The following AQP9 variants were observed in gnomAD, a reference collection of about 807,000 sequenced individuals.
AQP9 encodes aquaporin-9.
A neutral mutation model predicts 23.8 loss-of-function variants in AQP9; 19 were observed. That is an observed-to-expected ratio of 0.80 (90% CI 0.56 to 1.17). The LOEUF (loss-of-function observed/expected upper bound fraction) is 1.17, where lower values mean the gene tolerates loss of function less well. Ranked by LOEUF, AQP9 falls within the 50% of genes most tolerant of loss-of-function variation. The pLI is 0.00. For synonymous variants in AQP9, 153 were observed against 131.5 expected (o/e 1.16, Z -1.12); for missense variants, 413 against 362.0 (o/e 1.14, Z -1.14).
chr15:58,157,040 A>G (rs1260374413), intron 1 of AQP9, among the ~76,000 whole-genome samples: 1 of 152,204 alleles, frequency 6.6e-6, no homozygotes, highest in Non-Finnish European at 1.5e-5. Context: ...ACACATATAT[A>G]TGTGCATATA....
intron 1 of AQP9, among the ~76,000 whole-genome samples, chr15:58,140,992 G>A (rs1234982924): frequency 3.9e-5 from 6 of 152,122 alleles, no homozygotes; most frequent in African/African-American, 1.4e-4. Context: ...AGAAAAGAAG[G>A]TCCATGAAAA....
intron 1 of AQP9, among the ~76,000 whole-genome samples, chr15:58,163,465 G>A (rs1358444671): frequency 6.6e-6 from 1 of 152,132 alleles, no homozygotes; most frequent in African/African-American, 2.4e-5. Context: ...ATATGGAAAG[G>A]AACCCAAGAG....
intron 1 of AQP9, among the ~76,000 whole-genome samples, chr15:58,163,201 C>T (rs1460498747): frequency 6.6e-6 from 1 of 152,176 alleles, no homozygotes; most frequent in African/African-American, 2.4e-5. Flanking sequence ...GCTAGATCTT[C>T]ATTGTGTCCA....
intron 1 of AQP9, among the ~76,000 whole-genome samples, chr15:58,156,395 C>T (rs1350736252): frequency 2.0e-5 from 3 of 152,198 alleles, no homozygotes; most frequent in South Asian, 4.1e-4. Context: ...CATATAACCA[C>T]GTATTAACAA....
At chr15:58,147,106 T>G (rs545585717) in intron 1 of AQP9, among the ~76,000 whole-genome samples, 1 of 152,330 alleles carries the variant, frequency 6.6e-6, no homozygotes, top group South Asian at 2.1e-4. Flanking sequence ...TGCAGACTCC[T>G]GGAGCCAAAC....
At position 58,179,509 on chromosome 15, in the gene AQP9, A is replaced by ATGTGTGTGTGTGTGTGTG. The variant is rs3052103; in HGVS notation, c.713+175_713+192dup. ...CATTTCACTGGTATTTTGTGGTATG[A>ATGTGTGTGTGTGTGTGTG]TGTGTGTGTGTGTGTGTGTGTGTGT... On this transcript the variant is annotated intron_variant, in intron 5 of 5. Coordinates refer to ENST00000219919, the MANE Select transcript of AQP9 (RefSeq NM_020980.5). Among the ~76,000 whole-genome samples the ATGTGTGTGTGTGTGTGTG allele has an allele frequency of 7.1e-3, 1,052 of 148,820 alleles. 18 individuals are homozygous for ATGTGTGTGTGTGTGTGTG. Among genetic ancestry groups the ATGTGTGTGTGTGTGTGTG allele is most frequent in the African/African-American group, 0.025 (1,014 of 40,322 alleles).
intron 5 of AQP9, among the ~76,000 whole-genome samples, chr15:58,180,463 G>A (rs1262926319): frequency 1.3e-5 from 2 of 152,142 alleles, no homozygotes; most frequent in African/African-American, 4.8e-5. Context: ...TACCTTGACA[G>A]CCTTTTCCCC....
At chr15:58,162,480 C>A (rs1284724494) in intron 1 of AQP9, among the ~76,000 whole-genome samples, 1 of 152,146 alleles carries the variant, frequency 6.6e-6, no homozygotes, top group African/African-American at 2.4e-5. Flanking sequence ...GAACAAGCTG[C>A]CTAATGTGGT....
At chr15:58,163,629 G>C (rs1019008484) in intron 1 of AQP9, among the ~76,000 whole-genome samples, 15 of 152,256 alleles carry the variant, frequency 9.9e-5, no homozygotes, top group African/African-American at 3.6e-4. Context: ...ATGCTTTCTA[G>C]ATAGGGAGAC....
chr15:58,157,502 C>T (rs1898288603), intron 1 of AQP9, among the ~76,000 whole-genome samples: 1 of 152,100 alleles, frequency 6.6e-6, no homozygotes, highest in Non-Finnish European at 1.5e-5. Flanking sequence ...GGTTAGTGCC[C>T]CCAAATGCTG....
chr15:58,163,137 A>G (rs1898417542), intron 1 of AQP9, among the ~76,000 whole-genome samples: 1 of 152,208 alleles, frequency 6.6e-6, no homozygotes, highest in African/African-American at 2.4e-5. Flanking sequence ...TTGAGAGAAC[A>G]TGAATAAAAG....
chr15:58,149,922 TC>T, intron 1 of AQP9, among the ~76,000 whole-genome samples: 1 of 152,342 alleles, frequency 6.6e-6, no homozygotes, highest in South Asian at 2.1e-4. Context: ...AGGCAGTCCT[TC>T]CTTTGATGGT....
chr15:58,147,854 G>A (rs1354391105), intron 1 of AQP9, among the ~76,000 whole-genome samples: 1 of 151,712 alleles, frequency 6.6e-6, no homozygotes. Flanking sequence ...AGGCAGAAAT[G>A]GTATGTGTTA....
intron 1 of AQP9, among the ~76,000 whole-genome samples, chr15:58,149,883 G>A (rs1160921564): frequency 6.6e-6 from 1 of 152,160 alleles, no homozygotes; most frequent in Non-Finnish European, 1.5e-5. Context: ...AAACACTATG[G>A]CCACCACCTT....
intron 1 of AQP9, among the ~76,000 whole-genome samples, chr15:58,160,205 T>A (rs1453604648): frequency 2.0e-5 from 3 of 152,174 alleles, no homozygotes; most frequent in African/African-American, 7.2e-5. Flanking sequence ...TGAGACGCTA[T>A]CTCATTGTGG....
chr15:58,167,601 G>A (rs1261231318), intron 2 of AQP9, among the ~76,000 whole-genome samples: 2 of 152,186 alleles, frequency 1.3e-5, no homozygotes, highest in East Asian at 1.9e-4. Context: ...CTCCTGAGAG[G>A]GAGTCAGTAA....
At chr15:58,142,067 C>A (rs563288415) in intron 1 of AQP9, among the ~76,000 whole-genome samples, 6 of 152,170 alleles carry the variant, frequency 3.9e-5, no homozygotes, top group Non-Finnish European at 8.8e-5. Flanking sequence ...TGAGCTCAGG[C>A]TGATGTAATC....
At chr15:58,173,349 G>A in intron 3 of AQP9, 144 bp downstream of exon 3, 1 of 1,206,958 alleles carries the variant, frequency 8.3e-7, no homozygotes, top group South Asian at 1.5e-5. Context: ...AGAAAATGAG[G>A]CCATATTACC....
At chr15:58,149,149 C>T (rs1247763613) in intron 1 of AQP9, among the ~76,000 whole-genome samples, 1 of 152,170 alleles carries the variant, frequency 6.6e-6, no homozygotes, top group African/African-American at 2.4e-5. Context: ...ATAAAGGAAA[C>T]AGGCTGACCC....
Sources: gnomAD v4.1 joint callset for allele counts (sites outside exome capture counted in the v4.1 genomes callset) on GRCh38, gnomAD v4.1.1 for gene constraint, MANE v1.5 for transcripts, NCBI Gene and HGNC (gene_info 2026-07-23, HGNC 2026-07-21) for gene names.